The following CDK5RAP1 variants were observed in gnomAD, a reference collection of about 807,000 sequenced individuals.
CDK5RAP1 encodes the protein CDK5RAP1 mitochondrial tRNA methylthiotransferase.
Under a neutral mutation model 64.5 loss-of-function variants are expected in CDK5RAP1, and 62 were observed. The observed-to-expected ratio is 0.96, with a 90% confidence interval of 0.78 to 1.19. The LOEUF is 1.19. CDK5RAP1 is among the 50% of genes most tolerant of loss of function. CDK5RAP1 has a pLI of 0.00. For missense variants in CDK5RAP1, 657 were observed against 735.0 expected, an observed-to-expected ratio of 0.89 and a Z score of 1.23; for synonymous variants, 250 against 261.9, an observed-to-expected ratio of 0.95 and a Z score of 0.44.
At chr20:33,382,746 T>C (rs1385383352) in intron 7 of CDK5RAP1, among the ~76,000 whole-genome samples, 1 of 152,084 alleles carries the variant, frequency 6.6e-6, no homozygotes, top group Non-Finnish European at 1.5e-5. Context: ...GTGCCTATAA[T>C]CCCAGCTACT....
In CDK5RAP1 at chr20:33,390,625, T is replaced by C. The variant is rs572208008; in HGVS notation, c.544+1517A>G. On this transcript the variant is annotated intron_variant, in intron 5 of 13. Coordinates refer to ENST00000346416, the MANE Select transcript of CDK5RAP1 (RefSeq NM_016408.4). ...AAAGGATTAAAATGGTAATTTCATATATATTTTACTACAGTTTTTTAAATT... is the reference window on the plus strand; with the variant it reads ...AAAGGATTAAAATGGTAATTTCATACATATTTTACTACAGTTTTTTAAATT... 2.6e-5 allele frequency among the ~76,000 whole-genome samples: 4 copies of C among 152,298 alleles called. No homozygotes were observed. In the South Asian group the frequency reaches 6.2e-4, roughly 24 times the overall value.
chr20:33,398,319 C>T (rs187844889), intron 1 of CDK5RAP1, among the ~76,000 whole-genome samples: 19 of 152,030 alleles, frequency 1.2e-4, no homozygotes, highest in Middle Eastern at 3.4e-3. Flanking sequence ...ACAGTGAAAC[C>T]TCATCTCTAC....
In CDK5RAP1 at chr20:33,366,959, T is replaced by C. The variant is rs762268361; in HGVS notation, c.1442A>G (p.Lys481Arg). Residue 481 changes from lysine to arginine, a missense_variant, in exon 12 of 14, where the codon AAA becomes AGA. Lys to Arg is a conservative substitution (Grantham distance 26, BLOSUM62 2). Transcript: ENST00000346416. ...GATGAGTTCCTCCAAACGCCTTAAT[T>C]TTACCTCTTCCGGGACATCATCCTT... ...RLKDDVPEEV[K>R]LRRLEELITI... 9 of 1,613,936 alleles carry C rather than the reference T, an allele frequency of 5.6e-6. No homozygotes were observed. The East Asian group carries it at 2.0e-4, about 36-fold the overall frequency.
intron 12 of CDK5RAP1, among the ~76,000 whole-genome samples, chr20:33,365,831 G>A (rs187260846): frequency 4.0e-4 from 61 of 152,222 alleles, no homozygotes; most frequent in African/African-American, 1.0e-3. Flanking sequence ...CCTGGCAGAC[G>A]GTAAATGCTG....
intron 12 of CDK5RAP1, among the ~76,000 whole-genome samples, chr20:33,366,318 C>CA (rs759479446): frequency 0.049 from 1,509 of 30,524 alleles, 28 homozygotes; most frequent in African/African-American, 0.068. Context: ...GACTCCATCT[C>CA]AAAAAAAAAA....
chr20:33,393,396 T>C (rs923821299), intron 4 of CDK5RAP1, among the ~76,000 whole-genome samples: 9 of 152,066 alleles, frequency 5.9e-5, no homozygotes, highest in Non-Finnish European at 7.4e-5. Flanking sequence ...GAGCTATTTG[T>C]TCATCTATCT....
chr20:33,389,345 CG>C (rs1430991335), intron 5 of CDK5RAP1, among the ~76,000 whole-genome samples: 1 of 150,780 alleles, frequency 6.6e-6, no homozygotes, highest in African/African-American at 2.4e-5. Context: ...CCCCTCCGCG[CG>C]GCAGCCGCCC....
At chr20:33,385,502 C>T in intron 7 of CDK5RAP1, 148 bp downstream of exon 7, 1 of 832,650 alleles carries the variant, frequency 1.2e-6, no homozygotes. Context: ...GGGCAATAAA[C>T]CAATGATGTA....
chr20:33,360,546 A>G, intron 12 of CDK5RAP1, 55 bp from the exon 13 acceptor site: 1 of 1,541,242 alleles, frequency 6.5e-7, no homozygotes. Flanking sequence ...AAGTTCTTGG[A>G]GGGTAGAAAC....
intron 6 of CDK5RAP1, 48 bp from the exon 7 acceptor site, chr20:33,385,818 G>T: frequency 1.9e-6 from 3 of 1,570,354 alleles, no homozygotes; most frequent in Non-Finnish European, 2.6e-6. Flanking sequence ...GGGTGTGCTG[G>T]TATGACCCAA....
intron 1 of CDK5RAP1, among the ~76,000 whole-genome samples, chr20:33,397,299 G>A (rs1988996471): frequency 6.6e-6 from 1 of 152,150 alleles, no homozygotes. Context: ...GCAAATCCAG[G>A]CAGTCTTTTC....
intron 5 of CDK5RAP1, among the ~76,000 whole-genome samples, 189 bp downstream of exon 5, chr20:33,391,953 T>C (rs965735238): frequency 6.6e-6 from 1 of 152,218 alleles, no homozygotes; most frequent in African/African-American, 2.4e-5. Context: ...TTCAAGGAAC[T>C]ACGGAAAGCC....
chr20:33,395,675 T>A (rs1226409726), intron 2 of CDK5RAP1, among the ~76,000 whole-genome samples: 1 of 152,104 alleles, frequency 6.6e-6, no homozygotes, highest in African/African-American at 2.4e-5. Context: ...GGGGAAAACA[T>A]GTACCTGAGA....
Position 33,360,420 on chromosome 20 carries a change from T to C in CDK5RAP1, c.1614A>G (p.Ala538=), listed in dbSNP as rs1340828250. Residue 538 remains alanine (A), a synonymous_variant, in exon 13 of 14, where the codon GCA becomes GCG. Coordinates refer to ENST00000346416, the MANE Select transcript of CDK5RAP1 (RefSeq NM_016408.4). ...DGNLKVIFPD[A]EMEDVNNPGL... ...CAGGGTTATTGACATCCTCCATCTC[T>C]GCATCAGGGAAGATCACCTTAAGGT... 2.5e-6 allele frequency: 4 copies of C among 1,613,690 alleles called. No individual in the cohort carries two copies. The highest frequency in any genetic ancestry group is 3.4e-6 in the Non-Finnish European group (4 of 1,179,606).
chr20:33,399,651 T>C lies in CDK5RAP1; in HGVS notation c.-21+1777A>G, dbSNP rs187901456. 9.2e-5 allele frequency among the ~76,000 whole-genome samples: 14 copies of C among 152,326 alleles called. No individual in the cohort carries two copies. The East Asian group carries it at 2.7e-3, about 29-fold the overall frequency. ...TTTTTGGTACTAGGAATTGGTTTCA[T>C]GGAAGACAATTTTTCCACAGACATG... On this transcript the variant is annotated intron_variant, in intron 1 of 13. Transcript: ENST00000346416.
chr20:33,372,999 A>G (rs1985331258), intron 9 of CDK5RAP1: 1 of 233,346 alleles, frequency 4.3e-6, no homozygotes, highest in African/African-American at 2.3e-5. Context: ...TGCAACTCAA[A>G]TTCCTGGGCT....
intron 12 of CDK5RAP1, 114 bp downstream of exon 12, chr20:33,366,745 T>A: frequency 1.1e-6 from 1 of 934,538 alleles, no homozygotes; most frequent in Non-Finnish European, 1.6e-6. Flanking sequence ...GGCAGGAGAA[T>A]CACTTGAGCC....
intron 5 of CDK5RAP1, among the ~76,000 whole-genome samples, 166 bp from the exon 6 acceptor site, chr20:33,387,699 G>A (rs954176512): frequency 3.3e-5 from 5 of 152,100 alleles, no homozygotes; most frequent in Non-Finnish European, 7.4e-5. Context: ...CCATCGCACT[G>A]GAGCCTGTAT....
intron 5 of CDK5RAP1, among the ~76,000 whole-genome samples, chr20:33,391,290 G>A (rs1341276811): frequency 6.6e-6 from 1 of 150,746 alleles, no homozygotes; most frequent in Non-Finnish European, 1.5e-5. Flanking sequence ...AGAGTGTGCT[G>A]GATGGAAAAA....
Sources: allele counts gnomAD v4.1 joint callset (sites outside exome capture counted in the v4.1 genomes callset), GRCh38; gene constraint gnomAD v4.1.1; transcripts MANE v1.5; gene names NCBI Gene and HGNC (gene_info 2026-07-23, HGNC 2026-07-21).